The following KCNMB4 variants were observed in gnomAD, a reference collection of about 807,000 sequenced individuals.
KCNMB4 encodes calcium-activated potassium channel subunit beta-4.
Under a neutral mutation model 20.7 loss-of-function variants are expected in KCNMB4, and 3 were observed. The ratio of observed to expected loss-of-function variants is 0.14; its 90% CI spans 0.07 to 0.37. The LOEUF is 0.37. Ranked by LOEUF, KCNMB4 falls within the 10% of genes least tolerant of loss-of-function variation. KCNMB4 has a pLI of 1.00. For missense variants in KCNMB4, 168 were observed against 265.9 expected (o/e 0.63, Z 2.56); for synonymous variants, 110 against 113.4 (o/e 0.97, Z 0.19).
rs972095568 is a variant in KCNMB4, at chr12:70,404,617, A to C, written c.464+4281A>C. Among the ~76,000 whole-genome samples, 3 of 152,238 alleles carry C rather than the reference A, an allele frequency of 2.0e-5. No individual in the cohort carries two copies. The South Asian group carries it at 6.2e-4, about 31-fold the overall frequency. On this transcript the variant is annotated intron_variant, in intron 2 of 2. Coordinates refer to ENST00000258111, the MANE Select transcript of KCNMB4 (RefSeq NM_014505.6). ...AGAGACTTTGAGGGCATAAACGAGA[A>C]TAGTGGTGGTGAAAGTAGCAACAAG... is the stretch of plus-strand genomic sequence containing the variant.
chr12:70,396,167 G>A (rs997810698), intron 1 of KCNMB4, among the ~76,000 whole-genome samples: 1 of 152,166 alleles, frequency 6.6e-6, no homozygotes, highest in African/African-American at 2.4e-5. Flanking sequence ...GCAGAGGGCA[G>A]GGGATCTCCT....
At chr12:70,430,082 A>G (rs1281870269) in intron 2 of KCNMB4, among the ~76,000 whole-genome samples, 2 of 150,510 alleles carry the variant, frequency 1.3e-5, no homozygotes, top group Admixed American at 6.6e-5. Flanking sequence ...GGCCACACCT[A>G]TGAGCTGAGG....
chr12:70,372,698 A>G (rs987896509), intron 1 of KCNMB4, among the ~76,000 whole-genome samples: 5 of 152,226 alleles, frequency 3.3e-5, no homozygotes, highest in South Asian at 2.1e-4. Context: ...GACATTAAAT[A>G]TGAGGATGAA....
At chr12:70,422,592 A>C in intron 2 of KCNMB4, 1 of 685,224 alleles carries the variant, frequency 1.5e-6, no homozygotes, top group Non-Finnish European at 2.2e-6. Context: ...AGAGCAACAA[A>C]GGATTTCTAA....
intron 1 of KCNMB4, among the ~76,000 whole-genome samples, chr12:70,385,393 C>G (rs1161067682): frequency 6.6e-6 from 1 of 152,198 alleles, no homozygotes; most frequent in African/African-American, 2.4e-5. Context: ...CTAGCTTTAT[C>G]TCCCATGTCC....
intron 2 of KCNMB4, among the ~76,000 whole-genome samples, chr12:70,427,370 A>C (rs1254299012): frequency 6.6e-6 from 1 of 152,220 alleles, no homozygotes; most frequent in Non-Finnish European, 1.5e-5. Context: ...CTAAATCAAA[A>C]AACTGAATGA....
intron 2 of KCNMB4, among the ~76,000 whole-genome samples, chr12:70,409,545 A>G (rs1868710397): frequency 6.6e-6 from 1 of 152,252 alleles, no homozygotes; most frequent in Non-Finnish European, 1.5e-5. Flanking sequence ...CAACAACAAA[A>G]TAGCAGACAC....
intron 1 of KCNMB4, among the ~76,000 whole-genome samples, chr12:70,389,959 TA>T (rs1332484590): frequency 6.6e-6 from 1 of 152,242 alleles, no homozygotes; most frequent in East Asian, 1.9e-4. Flanking sequence ...TCTGAGGATT[TA>T]ACACACTCTA....
rs913048338 is a variant in KCNMB4, at chr12:70,431,457, A to G, written c.*804A>G. The G allele has an allele frequency of 1.3e-5, 2 of 151,906 alleles. No individual in the cohort carries two copies. Among genetic ancestry groups the G allele is most frequent in the African/African-American group, 2.4e-5 (1 of 41,380 alleles). The allele number at this position is 151,906 out of a possible 1,614,324, so 9.4% of individuals were successfully genotyped here. On this transcript the variant is annotated 3_prime_UTR_variant, in exon 3 of 3. Coordinates refer to ENST00000258111, the MANE Select transcript of KCNMB4 (RefSeq NM_014505.6). ...GTTAAAAAAGTTTGTGTGCAATACA[A>G]TATACATGATGTGAAGGACACTCTT...
At chr12:70,379,556 A>G (rs1420759027) in intron 1 of KCNMB4, among the ~76,000 whole-genome samples, 1 of 152,092 alleles carries the variant, frequency 6.6e-6, no homozygotes, top group African/African-American at 2.4e-5. Context: ...AGCTAGGACT[A>G]CAGGTGCACT....
chr12:70,409,539 A>C (rs764559878), intron 2 of KCNMB4, among the ~76,000 whole-genome samples: 6 of 152,322 alleles, frequency 3.9e-5, no homozygotes, highest in Non-Finnish European at 8.8e-5. Flanking sequence ...AGAAAACAAC[A>C]ACAAAATAGC....
chr12:70,376,538 A>G (rs1181398184), intron 1 of KCNMB4, among the ~76,000 whole-genome samples: 1 of 152,138 alleles, frequency 6.6e-6, no homozygotes, highest in African/African-American at 2.4e-5. Context: ...TTATATTTTT[A>G]TACACTAGGA....
chr12:70,420,219 G>A (rs570063856), intron 2 of KCNMB4, among the ~76,000 whole-genome samples: 1 of 152,280 alleles, frequency 6.6e-6, no homozygotes. Context: ...ATGGTACTGT[G>A]GCTGTCTGAA....
At chr12:70,382,522 CATTAAT>C (rs1883808591) in intron 1 of KCNMB4, among the ~76,000 whole-genome samples, 2 of 148,026 alleles carry the variant, frequency 1.4e-5, no homozygotes, top group South Asian at 4.3e-4. Flanking sequence ...ATATTTTATA[CATTAAT>C]ATTGTATATA....
At chr12:70,427,576 G>A (rs1265180313) in intron 2 of KCNMB4, among the ~76,000 whole-genome samples, 21 of 152,192 alleles carry the variant, frequency 1.4e-4, no homozygotes, top group Admixed American at 1.4e-3. Flanking sequence ...AGGGACTGAT[G>A]TTGTTTTGTC....
In KCNMB4 at chr12:70,366,661, C is replaced by A; in HGVS notation, c.-74C>A. Reference sequence around the variant, plus strand: ...CGGTGGCGGCGGCGGCTCCTCCCGCCCGAGGCAGTCGGGCTCGGCGCCGGG... The same window carrying A: ...CGGTGGCGGCGGCGGCTCCTCCCGCACGAGGCAGTCGGGCTCGGCGCCGGG... On this transcript the variant is annotated 5_prime_UTR_variant, in exon 1 of 3. Transcript: ENST00000258111. 1 of 1,212,780 alleles carries A rather than the reference C, an allele frequency of 8.2e-7. No homozygotes were observed. Among genetic ancestry groups the A allele is most frequent in the Non-Finnish European group, 1.1e-6 (1 of 952,332 alleles). The allele number at this position is 1,212,780 out of a possible 1,614,324, so 75.1% of individuals were successfully genotyped here.
intron 2 of KCNMB4, among the ~76,000 whole-genome samples, chr12:70,413,118 C>T (rs1292766818): frequency 6.6e-6 from 1 of 152,174 alleles, no homozygotes; most frequent in Non-Finnish European, 1.5e-5. Flanking sequence ...GCAGTGATTG[C>T]TGTGGCTTCT....
intron 2 of KCNMB4, among the ~76,000 whole-genome samples, chr12:70,411,109 G>T (rs1416870241): frequency 2.0e-5 from 3 of 152,118 alleles, no homozygotes; most frequent in African/African-American, 7.2e-5. Context: ...ATAGACTGAT[G>T]GATGAAATGA....
chr12:70,372,189 C>T (rs1883608023), intron 1 of KCNMB4, among the ~76,000 whole-genome samples: 1 of 152,112 alleles, frequency 6.6e-6, no homozygotes, highest in African/African-American at 2.4e-5. Context: ...TGAGGTTGGA[C>T]CACAGTGAGC....
Sources: gnomAD v4.1 joint callset for allele counts (sites outside exome capture counted in the v4.1 genomes callset) on GRCh38, gnomAD v4.1.1 for gene constraint, MANE v1.5 for transcripts, NCBI Gene and HGNC (gene_info 2026-07-23, HGNC 2026-07-21) for gene names.